C8orf34: variants seen among roughly 807,000 people sequenced by gnomAD.
C8orf34 encodes uncharacterized protein C8orf34.
C8orf34 carries 65 observed loss-of-function variants against 68.3 expected under a neutral mutation model. The observed-to-expected ratio is 0.95, with a 90% confidence interval of 0.78 to 1.17. The LOEUF is 1.17. Among genes scored for constraint, C8orf34 ranks in the 50% most tolerant of loss-of-function variants. The pLI is 0.00. For synonymous variants in C8orf34, 244 were observed against 241.2 expected, an observed-to-expected ratio of 1.01 and a Z score of -0.11; for missense variants, 664 against 655.4, an observed-to-expected ratio of 1.01 and a Z score of -0.14.
At chr8:68,374,663 C>T (rs1053737253) in intron 1 of C8orf34, among the ~76,000 whole-genome samples, 2 of 151,972 alleles carry the variant, frequency 1.3e-5, no homozygotes, top group Admixed American at 6.6e-5. Context: ...TACTAACCAA[C>T]CAGAAAGTAG....
intron 7 of C8orf34, among the ~76,000 whole-genome samples, chr8:68,626,821 A>C (rs1818549939): frequency 6.6e-6 from 1 of 152,168 alleles, no homozygotes; most frequent in Non-Finnish European, 1.5e-5. Context: ...TGTATCATTT[A>C]TAGTGACTGA....
chr8:68,430,170 T>A (rs926503694), intron 1 of C8orf34, among the ~76,000 whole-genome samples: 7 of 151,898 alleles, frequency 4.6e-5, no homozygotes, highest in African/African-American at 1.7e-4. Context: ...GAAACCTCCA[T>A]TAAAAAATAA....
chr8:68,500,459 G>A (rs529449021), intron 5 of C8orf34, among the ~76,000 whole-genome samples: 2 of 152,248 alleles, frequency 1.3e-5, no homozygotes, highest in South Asian at 4.1e-4. Context: ...TCTGATAATT[G>A]GGGAAATTTA....
intron 7 of C8orf34, among the ~76,000 whole-genome samples, chr8:68,630,834 C>T (rs1818667814): frequency 6.6e-6 from 1 of 151,800 alleles, no homozygotes; most frequent in African/African-American, 2.4e-5. Context: ...GGCTGGAGTG[C>T]AGTGGCACAA....
At position 68,818,892 on chromosome 8, in the gene C8orf34, G is replaced by A. The variant is rs1047147834; in HGVS notation, c.*646G>A. The stretch of plus-strand genomic sequence containing the variant: ...GCCCAAAACATAGAAAATGAAAATC[G>A]TTTGACCATTTATCCAATTATTGAA... On this transcript the variant is annotated 3_prime_UTR_variant, in exon 14 of 14. Transcript: ENST00000518698. 8 of 152,150 alleles carry A rather than the reference G, an allele frequency of 5.3e-5. No individual in the cohort carries two copies. The highest frequency in any genetic ancestry group is 7.4e-5 in the Non-Finnish European group (5 of 67,988). 9.4% of individuals were successfully genotyped at this position (152,150 alleles called of 1,614,324 possible). A position where few individuals can be genotyped will look rare whatever the true frequency, so the allele number is the denominator to read the frequency against.
intron 10 of C8orf34, among the ~76,000 whole-genome samples, chr8:68,751,085 T>C (rs575159412): frequency 1.3e-4 from 20 of 152,254 alleles, no homozygotes; most frequent in African/African-American, 4.6e-4. Context: ...AAAGCATTAT[T>C]ATCAAAGAAG....
intron 10 of C8orf34, among the ~76,000 whole-genome samples, chr8:68,746,185 A>G (rs1300628578): frequency 2.6e-5 from 4 of 152,130 alleles, no homozygotes; most frequent in Non-Finnish European, 4.4e-5. Flanking sequence ...CTTTGAAACC[A>G]ATGAGAACAA....
chr8:68,733,745 T>C (rs1168361613), intron 10 of C8orf34, among the ~76,000 whole-genome samples: 1 of 152,198 alleles, frequency 6.6e-6, no homozygotes, highest in African/African-American at 2.4e-5. Flanking sequence ...GCTTAAATCA[T>C]ATTCACAAGA....
rs1485087953 is a variant in C8orf34, at chr8:68,534,580, A to G, written c.1105+1431A>G. ...GGACAGTGACCCAGGAATGTTTCCT[A>G]GAGAAGCCGATTACTCTGGCTAGTC... On this transcript the variant is annotated intron_variant, in intron 7 of 13. Coordinates refer to ENST00000518698, the MANE Select transcript of C8orf34 (RefSeq NM_052958.4). 3.1e-6 allele frequency: 3 copies of G among 953,000 alleles called. No individual in the cohort carries two copies. The East Asian group carries it at 3.5e-4, about 110-fold the overall frequency. The allele number at this position is 953,000 out of a possible 1,614,324, so 59.0% of individuals were successfully genotyped here. A position where few individuals can be genotyped will look rare whatever the true frequency, so the allele number is the denominator to read the frequency against.
chr8:68,736,130 T>C (rs1211349109), intron 10 of C8orf34, among the ~76,000 whole-genome samples: 1 of 152,138 alleles, frequency 6.6e-6, no homozygotes, highest in Non-Finnish European at 1.5e-5. Flanking sequence ...AAGCATAACA[T>C]CCTCATTTTA....
At chr8:68,789,301 T>A (rs1012581842) in intron 12 of C8orf34, among the ~76,000 whole-genome samples, 2 of 152,214 alleles carry the variant, frequency 1.3e-5, no homozygotes, top group African/African-American at 4.8e-5. Flanking sequence ...GTAAACAACA[T>A]CCTTATAGAA....
chr8:68,514,184 G>A (rs1402487493), intron 5 of C8orf34, among the ~76,000 whole-genome samples: 1 of 152,142 alleles, frequency 6.6e-6, no homozygotes, highest in Non-Finnish European at 1.5e-5. Flanking sequence ...CTAGGCCAGA[G>A]TCCCTGCTAG....
At chr8:68,739,670 G>T (rs950669224) in intron 10 of C8orf34, among the ~76,000 whole-genome samples, 1 of 152,074 alleles carries the variant, frequency 6.6e-6, no homozygotes, top group Non-Finnish European at 1.5e-5. Flanking sequence ...ACTGCCCAAA[G>T]CAATTTGTAG....
chr8:68,534,077 G>C (rs1288268868), intron 7 of C8orf34: 34 of 983,768 alleles, frequency 3.5e-5, no homozygotes, highest in Non-Finnish European at 2.4e-6. Context: ...AGATTCCTTG[G>C]TTTTAAGTGT....
chr8:68,657,504 A>G (rs1419792640), intron 8 of C8orf34, among the ~76,000 whole-genome samples: 1 of 152,134 alleles, frequency 6.6e-6, no homozygotes, highest in Non-Finnish European at 1.5e-5. Flanking sequence ...AGTCTACGGA[A>G]CTGTGAGCAA....
At chr8:68,385,451 A>G (rs1477572237) in intron 1 of C8orf34, among the ~76,000 whole-genome samples, 1 of 152,226 alleles carries the variant, frequency 6.6e-6, no homozygotes, top group East Asian at 1.9e-4. Flanking sequence ...GAATCAACAG[A>G]AGATAAGATT....
upstream of C8orf34, among the ~76,000 whole-genome samples, chr8:68,330,419 C>A (rs543983488): frequency 6.6e-6 from 1 of 152,226 alleles, no homozygotes; most frequent in South Asian, 2.1e-4. Flanking sequence ...GTTCACCCGT[C>A]GACTTGCTCC....
chr8:68,703,106 G>A (rs1173420325), intron 8 of C8orf34, among the ~76,000 whole-genome samples: 1 of 152,048 alleles, frequency 6.6e-6, no homozygotes, highest in African/African-American at 2.4e-5. Flanking sequence ...AGTCTATTTT[G>A]TAAGTGCCAG....
intron 7 of C8orf34, among the ~76,000 whole-genome samples, chr8:68,541,612 GTT>G (rs1289222204): frequency 6.6e-6 from 1 of 152,160 alleles, no homozygotes; most frequent in East Asian, 1.9e-4. Flanking sequence ...GGCCTTAGGG[GTT>G]TAAATGCTTA....
Sources: allele counts gnomAD v4.1 joint callset (sites outside exome capture counted in the v4.1 genomes callset), GRCh38; gene constraint gnomAD v4.1.1; transcripts MANE v1.5; gene names NCBI Gene and HGNC (gene_info 2026-07-23, HGNC 2026-07-21).